DENND1A: variants seen among roughly 807,000 people sequenced by gnomAD.
The protein encoded by DENND1A is DENN domain-containing protein 1A.
DENND1A carries 51 observed loss-of-function variants against 113.7 expected under a neutral mutation model. That is an observed-to-expected ratio of 0.45 (90% confidence interval 0.36 to 0.57). The LOEUF is 0.57. DENND1A is among the 20% of genes least tolerant of loss of function. The probability of loss-of-function intolerance (pLI) is 0.00; values close to 1 mark genes in which losing one functional copy is unlikely to be tolerated. For synonymous variants in DENND1A, 565 were observed against 570.8 expected (o/e 0.99, Z 0.14); for missense variants, 1,258 against 1,395.9 (o/e 0.90, Z 1.57).
chr9:123,817,484 A>T (rs1016268860), intron 2 of DENND1A, among the ~76,000 whole-genome samples: 16 of 152,226 alleles, frequency 1.1e-4, no homozygotes, highest in African/African-American at 3.4e-4. Context: ...GAATTTTTAC[A>T]TGCAAATGAG....
In DENND1A at chr9:123,380,207, G is replaced by GTTGTT. The variant is rs1466760505; in HGVS notation, c.*1220_*1224dup. ...CACAATTTCCTGCGTGTCTCAGATGGTTGTTTTCTTAAATGGTCGGGCCAT... is the reference window on the plus strand; with the variant it reads ...CACAATTTCCTGCGTGTCTCAGATGGTTGTTTTGTTTTCTTAAATGGTCGGGCCAT... On this transcript the variant is annotated 3_prime_UTR_variant, in exon 24 of 24. Transcript: ENST00000394215. The GTTGTT allele has an allele frequency of 6.6e-6, 1 of 152,380 alleles. No homozygotes were observed. Among genetic ancestry groups the GTTGTT allele is most frequent in the Non-Finnish European group, 1.5e-5 (1 of 68,042 alleles). The allele number at this position is 152,380 out of a possible 1,614,324, so 9.4% of individuals were successfully genotyped here.
chr9:123,735,214 A>G (rs912549550), intron 5 of DENND1A, among the ~76,000 whole-genome samples: 1 of 152,104 alleles, frequency 6.6e-6, no homozygotes, highest in Non-Finnish European at 1.5e-5. Context: ...CACTATGACC[A>G]TTTCTAGATG....
chr9:123,772,832 T>C (rs2131679164), intron 3 of DENND1A, among the ~76,000 whole-genome samples: 1 of 152,290 alleles, frequency 6.6e-6, no homozygotes, highest in South Asian at 2.1e-4. Context: ...ATTCGCCACC[T>C]GGTTCCATGT....
intron 1 of DENND1A, among the ~76,000 whole-genome samples, chr9:123,888,092 C>A (rs1258073048): frequency 6.6e-6 from 1 of 152,146 alleles, no homozygotes; most frequent in African/African-American, 2.4e-5. Context: ...AAATACAATT[C>A]TCCTCTAAAA....
At chr9:123,777,741 A>C (rs1240067679) in intron 3 of DENND1A, among the ~76,000 whole-genome samples, 1 of 152,228 alleles carries the variant, frequency 6.6e-6, no homozygotes, top group Non-Finnish European at 1.5e-5. Context: ...AAAAGGAAAT[A>C]ATAGGCTTTA....
intron 12 of DENND1A, among the ~76,000 whole-genome samples, chr9:123,563,648 C>T (rs1270922287): frequency 1.3e-5 from 2 of 152,164 alleles, no homozygotes; most frequent in Non-Finnish European, 2.9e-5. Flanking sequence ...CTATTCTCTT[C>T]CTAGTCTAAT....
intron 19 of DENND1A, among the ~76,000 whole-genome samples, chr9:123,421,709 TCTC>T (rs950346564): frequency 6.6e-6 from 1 of 152,030 alleles, no homozygotes; most frequent in African/African-American, 2.4e-5. Context: ...TGAGAAGAAT[TCTC>T]CTCATTTTGC....
chr9:123,483,691 G>A lies in DENND1A; in HGVS notation c.994-25794C>T, dbSNP rs143115478. Among the ~76,000 whole-genome samples, 105 of 152,376 alleles carry A rather than the reference G, an allele frequency of 6.9e-4. 1 individual carries two copies. The highest frequency in any genetic ancestry group is 2.2e-3 in the African/African-American group (92 of 41,592). Reference sequence around the variant, plus strand: ...GCTCTGCAGTGGGACAGGCTGGGCTGAGACTCCTGGCTCTGTCGCTCATTA... The same window carrying A: ...GCTCTGCAGTGGGACAGGCTGGGCTAAGACTCCTGGCTCTGTCGCTCATTA... On this transcript the variant is annotated intron_variant, in intron 13 of 23. Transcript: ENST00000394215.
At chr9:123,447,088 TC>T (rs1215450297) in intron 18 of DENND1A, among the ~76,000 whole-genome samples, 1 of 152,142 alleles carries the variant, frequency 6.6e-6, no homozygotes, top group Non-Finnish European at 1.5e-5. Flanking sequence ...TTGTTGACAG[TC>T]ATGAGCCCAT....
intron 9 of DENND1A, among the ~76,000 whole-genome samples, chr9:123,646,370 G>A (rs555782871): frequency 6.6e-6 from 1 of 152,236 alleles, no homozygotes; most frequent in East Asian, 1.9e-4. Context: ...TGTTCTGAAA[G>A]GGAGACTAGA....
chr9:123,457,733 G>T, intron 14 of DENND1A, 60 bp downstream of exon 14: 1 of 1,485,016 alleles, frequency 6.7e-7, no homozygotes, highest in South Asian at 1.2e-5. Flanking sequence ...TTAGAGTGGA[G>T]ACAGCTGCAG....
At chr9:123,896,889 T>C (rs1024017208) in intron 1 of DENND1A, among the ~76,000 whole-genome samples, 1 of 152,098 alleles carries the variant, frequency 6.6e-6, no homozygotes, top group Non-Finnish European at 1.5e-5. Context: ...GACAAATCAA[T>C]ACTCTGGAAG....
At chr9:123,530,783 T>A (rs139040116) in intron 13 of DENND1A, among the ~76,000 whole-genome samples, 1 of 152,122 alleles carries the variant, frequency 6.6e-6, no homozygotes. Context: ...ACATACTATG[T>A]TTTTCCTAAA....
rs1160381588 is a variant in DENND1A at position 123,381,625 on chromosome 9, T to A, written c.3020A>T (p.Asp1007Val). 1 of 1,610,268 alleles carries A rather than the reference T, an allele frequency of 6.2e-7. No homozygotes were observed. The highest frequency in any genetic ancestry group is 8.5e-7 in the Non-Finnish European group (1 of 1,179,078). Reference protein sequence around the residue: ...TKQGLALRPGDPPLLPPRPPQ... With the variant: ...TKQGLALRPGVPPLLPPRPPQ... ...GGGCCTGGGAGGCAGAAGCGGGGGGTCTCCAGGCCTCAGGGCCAGCCCCTG... is the reference window on the plus strand; with the variant it reads ...GGGCCTGGGAGGCAGAAGCGGGGGGACTCCAGGCCTCAGGGCCAGCCCCTG... Residue 1007 changes from aspartate (D) to valine (V), a missense_variant, in exon 24 of 24, where the codon GAC becomes GTC. Physicochemically the swap from Asp to Val is radical, Grantham distance 152. This residue lies in a region of DENND1A where 1,159 missense variants were observed against 1,231.7 expected (regional missense o/e 0.94). Transcript: ENST00000394215. The surrounding 1 kb of genome is among the most constrained non-coding windows in gnomAD (Gnocchi z 4.7).
At chr9:123,830,740 C>A (rs941688783) in intron 2 of DENND1A, among the ~76,000 whole-genome samples, 1 of 151,754 alleles carries the variant, frequency 6.6e-6, no homozygotes, top group South Asian at 2.1e-4. Context: ...GTGGCAGACG[C>A]CTGTAATCCC....
At chr9:123,450,616 T>C (rs2047648050) in intron 18 of DENND1A, 77 bp downstream of exon 18, 22 of 1,216,830 alleles carry the variant, frequency 1.8e-5, no homozygotes, top group Non-Finnish European at 2.4e-5. Context: ...CAGCCCTCTA[T>C]TGATCCCCTC....
intron 9 of DENND1A, among the ~76,000 whole-genome samples, chr9:123,636,015 G>A (rs2061682934): frequency 6.6e-6 from 1 of 152,176 alleles, no homozygotes; most frequent in Admixed American, 6.6e-5. Flanking sequence ...TTGAAGTGAA[G>A]AAGGCTCCTC....
At chr9:123,730,509 TCAA>T (rs1252904885) in intron 5 of DENND1A, among the ~76,000 whole-genome samples, 2 of 151,858 alleles carry the variant, frequency 1.3e-5, no homozygotes, top group Admixed American at 6.6e-5. Flanking sequence ...GAAAAAAAGC[TCAA>T]CATCACTGGC....
rs554138861 is a variant in DENND1A at position 123,924,589 on chromosome 9, AGCAGTGAGCCAAGATCACACCACT to A, written c.17+5276_17+5299del. Among the ~76,000 whole-genome samples, 232 of 151,860 alleles carry A rather than the reference AGCAGTGAGCCAAGATCACACCACT, an allele frequency of 1.5e-3. 1 individual carries two copies. Among genetic ancestry groups the A allele is most frequent in the African/African-American group, 5.3e-3 (220 of 41,372 alleles). ...TCACCTGAACCCAGGAGGCGGAGGT[AGCAGTGAGCCAAGATCACACCACT>A]GCACTCCAGCCTGGGGGACAGAGTG... On this transcript the variant is annotated intron_variant, in intron 1 of 23. Coordinates refer to ENST00000394215, the MANE Select transcript of DENND1A (RefSeq NM_001352964.2).
Sources: gnomAD v4.1 joint callset for allele counts (sites outside exome capture counted in the v4.1 genomes callset) on GRCh38, gnomAD v4.1.1 for gene constraint, gnomAD v4.1.1 regional missense constraint, Gnocchi (gnomAD v3.1) non-coding constraint, MANE v1.5 for transcripts, NCBI Gene and HGNC (gene_info 2026-07-23, HGNC 2026-07-21) for gene names.